PRKG1: variants seen among roughly 807,000 people sequenced by gnomAD.
PRKG1 encodes the protein protein kinase cGMP-dependent 1.
Under a neutral mutation model 88.1 loss-of-function variants are expected in PRKG1, and 35 were observed. The ratio of observed to expected loss-of-function variants is 0.40; its 90% CI spans 0.30 to 0.53. PRKG1 has a LOEUF of 0.53. PRKG1 is among the 20% of genes least tolerant of loss of function. The probability of loss-of-function intolerance (pLI) is 0.59; values close to 1 mark genes in which losing one functional copy is unlikely to be tolerated. For missense variants in PRKG1, 540 were observed against 839.8 expected (o/e 0.64, Z 4.41); for synonymous variants, 303 against 292.5 (o/e 1.04, Z -0.37).
At chr10:51,255,449 G>A (rs1205451420) in intron 2 of PRKG1, among the ~76,000 whole-genome samples, 1 of 152,094 alleles carries the variant, frequency 6.6e-6, no homozygotes. Flanking sequence ...TCTCAAACTG[G>A]CTTAAACAAC....
At chr10:51,041,473 G>A (rs868017189) in intron 1 of PRKG1, among the ~76,000 whole-genome samples, 39 of 152,294 alleles carry the variant, frequency 2.6e-4, no homozygotes, top group South Asian at 8.3e-4. Context: ...CCCAAGGCCC[G>A]TGGTGGGTAC....
intron 9 of PRKG1, among the ~76,000 whole-genome samples, chr10:52,234,353 G>C (rs999616489): frequency 2.6e-5 from 4 of 152,118 alleles, no homozygotes; most frequent in Non-Finnish European, 4.4e-5. Context: ...GGCTTCAGAC[G>C]ATCAAATTAC....
At chr10:51,405,826 AT>A (rs1252470741) in intron 2 of PRKG1, among the ~76,000 whole-genome samples, 5 of 152,212 alleles carry the variant, frequency 3.3e-5, no homozygotes, top group Non-Finnish European at 7.3e-5. Context: ...CTCATAAAGC[AT>A]CTGCATAAGC....
intron 4 of PRKG1, among the ~76,000 whole-genome samples, chr10:51,872,548 CTT>C (rs1398752697): frequency 4.6e-5 from 7 of 152,068 alleles, no homozygotes; most frequent in Admixed American, 2.6e-4. Context: ...AACTACAAGA[CTT>C]ATAATTTTTT....
intron 8 of PRKG1, among the ~76,000 whole-genome samples, chr10:52,144,369 C>A (rs142646739): frequency 6.6e-6 from 1 of 152,168 alleles, no homozygotes; most frequent in Non-Finnish European, 1.5e-5. Flanking sequence ...AAGAAACCAA[C>A]AGAGAACCAT....
intron 1 of PRKG1, among the ~76,000 whole-genome samples, chr10:51,080,485 G>A (rs1844079956): frequency 6.6e-6 from 1 of 151,978 alleles, no homozygotes; most frequent in Admixed American, 6.6e-5. Flanking sequence ...TGGTATCCTA[G>A]CAACCATATT....
intron 2 of PRKG1, among the ~76,000 whole-genome samples, chr10:51,201,506 A>G (rs1051260829): frequency 3.9e-5 from 6 of 152,160 alleles, no homozygotes; most frequent in Admixed American, 3.9e-4. Flanking sequence ...AAAGCCATGT[A>G]TTTTTATTTG....
At chr10:52,216,744 T>C (rs1161535919) in intron 9 of PRKG1, among the ~76,000 whole-genome samples, 4 of 152,202 alleles carry the variant, frequency 2.6e-5, no homozygotes, top group Admixed American at 6.5e-5. Context: ...TTTTTTAAGA[T>C]CAGTTTGTTA....
At position 51,717,524 on chromosome 10, in the gene PRKG1, G is replaced by A. The variant is rs564943525; in HGVS notation, c.593-87061G>A. 2.0e-5 allele frequency among the ~76,000 whole-genome samples: 3 copies of A among 152,248 alleles called. No individual in the cohort carries two copies. The East Asian group carries it at 5.8e-4, about 29-fold the overall frequency. Reference sequence around the variant, plus strand: ...TTATGATCCTCAAGTAAGAAGGGAAGCATCTTTAGAAATGGAGAAGTAATG... The same window carrying A: ...TTATGATCCTCAAGTAAGAAGGGAAACATCTTTAGAAATGGAGAAGTAATG... On this transcript the variant is annotated intron_variant, in intron 3 of 17. Transcript: ENST00000373980.
At chr10:52,232,980 A>G (rs1264118926) in intron 9 of PRKG1, among the ~76,000 whole-genome samples, 1 of 152,210 alleles carries the variant, frequency 6.6e-6, no homozygotes, top group Non-Finnish European at 1.5e-5. Context: ...GTTCTTTGAA[A>G]ACATTAAGTG....
intron 2 of PRKG1, among the ~76,000 whole-genome samples, chr10:51,189,504 A>G (rs1398972211): frequency 6.6e-6 from 1 of 151,882 alleles, no homozygotes; most frequent in East Asian, 1.9e-4. Flanking sequence ...CCTGTGGCCC[A>G]TGGAGCTCAC....
chr10:51,422,076 T>C (rs1165440143), intron 2 of PRKG1, among the ~76,000 whole-genome samples: 2 of 152,330 alleles, frequency 1.3e-5, no homozygotes, highest in Middle Eastern at 3.4e-3. Context: ...GGAGAAGAGA[T>C]AATGAAAAGG....
chr10:51,651,729 G>T (rs1008509393), intron 3 of PRKG1, among the ~76,000 whole-genome samples: 2 of 151,746 alleles, frequency 1.3e-5, no homozygotes, highest in Admixed American at 6.6e-5. Flanking sequence ...GACTACAGGT[G>T]CACGTCACCA....
intron 3 of PRKG1, among the ~76,000 whole-genome samples, chr10:51,552,084 C>A (rs1589071585): frequency 6.6e-6 from 1 of 151,556 alleles, no homozygotes. Flanking sequence ...GCTATATACC[C>A]TACAGACTCA....
At chr10:52,092,136 C>T (rs577062947) in intron 7 of PRKG1, among the ~76,000 whole-genome samples, 1 of 152,198 alleles carries the variant, frequency 6.6e-6, no homozygotes, top group African/African-American at 2.4e-5. Context: ...ACCTAATAGG[C>T]AGGTTGGTTA....
intron 2 of PRKG1, among the ~76,000 whole-genome samples, chr10:51,243,678 T>G (rs1839213066): frequency 6.6e-6 from 1 of 152,220 alleles, no homozygotes; most frequent in Admixed American, 6.5e-5. Context: ...TTCCCCATAG[T>G]GCTGGTGAGC....
At chr10:51,273,715 C>T (rs1018882913) in intron 2 of PRKG1, among the ~76,000 whole-genome samples, 1 of 152,092 alleles carries the variant, frequency 6.6e-6, no homozygotes, top group Non-Finnish European at 1.5e-5. Context: ...CAACCCTTGG[C>T]CCACATTTCT....
At chr10:51,433,489 A>G (rs1280462606) in intron 2 of PRKG1, among the ~76,000 whole-genome samples, 1 of 152,142 alleles carries the variant, frequency 6.6e-6, no homozygotes, top group African/African-American at 2.4e-5. Flanking sequence ...GGCATTCAAT[A>G]CGAGAATCTG....
intron 4 of PRKG1, among the ~76,000 whole-genome samples, chr10:51,839,194 G>A (rs1376275722): frequency 2.6e-5 from 4 of 152,094 alleles, no homozygotes; most frequent in African/African-American, 9.7e-5. Flanking sequence ...GAATTAAAAT[G>A]ATTTTGAAAT....
Sources: gnomAD v4.1 joint callset for allele counts (sites outside exome capture counted in the v4.1 genomes callset) on GRCh38, gnomAD v4.1.1 for gene constraint, MANE v1.5 for transcripts, NCBI Gene and HGNC (gene_info 2026-07-23, HGNC 2026-07-21) for gene names.